Variants in LRRC4C observed in about 807,000 individuals in gnomAD.
LRRC4C encodes leucine rich repeat containing 4C, also known as leucine-rich repeat-containing protein 4C.
Under a neutral mutation model 33.6 loss-of-function variants are expected in LRRC4C, and 5 were observed. The ratio of observed to expected loss-of-function variants is 0.15; its 90% CI spans 0.08 to 0.31. LRRC4C has a LOEUF of 0.31. LRRC4C is among the 10% of genes least tolerant of loss of function. The pLI is 1.00. For synonymous variants in LRRC4C, 329 were observed against 302.0 expected (o/e 1.09, Z -0.93); for missense variants, 560 against 796.7 (o/e 0.70, Z 3.58).
rs10713512 is a variant in LRRC4C at position 40,698,067 on chromosome 11, CAAAAA to C, written c.-406-49794_-406-49790del. ...TGGGCAACAGAGTGAGACTCTGTCT[CAAAAA>C]AAAAAAAAAAAAAATTACATTTAAT... On this transcript the variant is annotated intron_variant, in intron 2 of 6. Transcript: ENST00000528697. 4.1e-3 allele frequency among the ~76,000 whole-genome samples: 436 copies of C among 105,308 alleles called. 3 individuals carry two copies. The highest frequency in any genetic ancestry group is 0.013 in the African/African-American group (420 of 32,250). The allele number at this position is 105,308 out of a possible 152,430, so 69.1% of individuals were successfully genotyped here.
chr11:40,527,599 C>T (rs1956105013), intron 3 of LRRC4C, among the ~76,000 whole-genome samples: 1 of 152,094 alleles, frequency 6.6e-6, no homozygotes, highest in African/African-American at 2.4e-5. Flanking sequence ...GTATCACACT[C>T]TTTAAATTAA....
intron 1 of LRRC4C, among the ~76,000 whole-genome samples, chr11:41,055,478 A>G (rs1858551454): frequency 6.6e-6 from 1 of 152,174 alleles, no homozygotes; most frequent in South Asian, 2.1e-4. Context: ...CAGAGAGTCT[A>G]CATCTTAACC....
chr11:40,755,482 A>C (rs1175895796), intron 2 of LRRC4C, among the ~76,000 whole-genome samples: 1 of 152,092 alleles, frequency 6.6e-6, no homozygotes, highest in Non-Finnish European at 1.5e-5. Context: ...GAAAAGTCAT[A>C]ATAAGCTCCA....
chr11:41,049,979 G>T (rs1858084821), intron 1 of LRRC4C, among the ~76,000 whole-genome samples: 1 of 152,158 alleles, frequency 6.6e-6, no homozygotes, highest in Admixed American at 6.5e-5. Flanking sequence ...AGCATAATTA[G>T]CTCATCATAT....
At chr11:41,259,891 A>C (rs935130882) in intron 1 of LRRC4C, among the ~76,000 whole-genome samples, 3 of 152,158 alleles carry the variant, frequency 2.0e-5, no homozygotes, top group Middle Eastern at 6.8e-3. Flanking sequence ...ATTATAAGCC[A>C]ATAGACCTTT....
intron 1 of LRRC4C, among the ~76,000 whole-genome samples, chr11:40,960,695 A>G (rs916351400): frequency 1.1e-4 from 16 of 151,886 alleles, no homozygotes; most frequent in African/African-American, 3.6e-4. Flanking sequence ...TACTGGGCTC[A>G]AGGTATATCT....
intron 5 of LRRC4C, among the ~76,000 whole-genome samples, chr11:40,154,611 G>T (rs1351350552): frequency 6.6e-6 from 1 of 152,122 alleles, no homozygotes; most frequent in Non-Finnish European, 1.5e-5. Flanking sequence ...GGCAAAGAGG[G>T]ACATTATGTA....
chr11:40,471,172 C>G (rs1952915537), intron 3 of LRRC4C, among the ~76,000 whole-genome samples: 1 of 152,196 alleles, frequency 6.6e-6, no homozygotes, highest in African/African-American at 2.4e-5. Context: ...GCCCATCAAA[C>G]TAACAGTGAA....
At chr11:41,436,642 T>TGAGAGG (rs1437745375) in intron 1 of LRRC4C, among the ~76,000 whole-genome samples, 7 of 152,314 alleles carry the variant, frequency 4.6e-5, no homozygotes, top group Non-Finnish European at 4.4e-5. Flanking sequence ...GGCATAATCA[T>TGAGAGG]CACAGAGAGC....
chr11:40,393,239 G>A (rs1008871005), intron 3 of LRRC4C, among the ~76,000 whole-genome samples: 1 of 152,032 alleles, frequency 6.6e-6, no homozygotes, highest in African/African-American at 2.4e-5. Context: ...ATAATATGAT[G>A]TTATGCCACC....
At chr11:40,439,157 G>A (rs1951278157) in intron 3 of LRRC4C, among the ~76,000 whole-genome samples, 1 of 150,702 alleles carries the variant, frequency 6.6e-6, no homozygotes, top group Non-Finnish European at 1.5e-5. Flanking sequence ...ACCCAGGATG[G>A]TCTTGATCTT....
intron 1 of LRRC4C, among the ~76,000 whole-genome samples, chr11:41,335,627 C>T (rs1234692382): frequency 6.6e-6 from 1 of 152,042 alleles, no homozygotes; most frequent in South Asian, 2.1e-4. Context: ...TACTAATTGC[C>T]TATCATATAT....
At chr11:40,355,385 C>T (rs1947611486) in intron 3 of LRRC4C, among the ~76,000 whole-genome samples, 1 of 152,090 alleles carries the variant, frequency 6.6e-6, no homozygotes, top group South Asian at 2.1e-4. Flanking sequence ...ACCACAGCAC[C>T]AGGACTTGCC....
chr11:41,113,007 T>C lies in LRRC4C; in HGVS notation c.-495-179284A>G, dbSNP rs576333408. On this transcript the variant is annotated intron_variant, in intron 1 of 6. Coordinates refer to ENST00000528697, the MANE Select transcript of LRRC4C (RefSeq NM_001258419.2). ...AACACAGAATTAAAAACTAAACAAG[T>C]ACATTTTCTGAAGTCTTTATTTGTG... 1.9e-3 allele frequency among the ~76,000 whole-genome samples: 282 copies of C among 152,222 alleles called. 1 individual carries two copies. The highest frequency in any genetic ancestry group is 6.2e-3 in the African/African-American group (257 of 41,560).
At chr11:40,326,824 T>A (rs527625638) in intron 3 of LRRC4C, among the ~76,000 whole-genome samples, 1 of 151,950 alleles carries the variant, frequency 6.6e-6, no homozygotes, top group Non-Finnish European at 1.5e-5. Context: ...TTGATCTGAG[T>A]TTTTTAAAGA....
chr11:40,636,008 A>G (rs1963929490), intron 3 of LRRC4C, among the ~76,000 whole-genome samples: 1 of 152,136 alleles, frequency 6.6e-6, no homozygotes, highest in African/African-American at 2.4e-5. Flanking sequence ...AACATAAGTA[A>G]AAAGAAGTTG....
At chr11:41,372,890 A>G (rs1952805343) in intron 1 of LRRC4C, among the ~76,000 whole-genome samples, 3 of 152,136 alleles carry the variant, frequency 2.0e-5, no homozygotes, top group Admixed American at 2.0e-4. Flanking sequence ...TGAAAAATTA[A>G]CTGTAATTTA....
chr11:40,662,645 C>T (rs1401389390), intron 2 of LRRC4C, among the ~76,000 whole-genome samples: 3 of 152,158 alleles, frequency 2.0e-5, no homozygotes, highest in Admixed American at 6.6e-5. Flanking sequence ...AGGGACATCT[C>T]TTCATTTTGT....
chr11:40,360,716 T>C (rs1947908950), intron 3 of LRRC4C, among the ~76,000 whole-genome samples: 1 of 151,942 alleles, frequency 6.6e-6, no homozygotes, highest in Non-Finnish European at 1.5e-5. Flanking sequence ...TCCAGAAAAT[T>C]GAAAAGGAGG....
Sources: allele counts gnomAD v4.1 joint callset (sites outside exome capture counted in the v4.1 genomes callset), GRCh38; gene constraint gnomAD v4.1.1; transcripts MANE v1.5; gene names NCBI Gene and HGNC (gene_info 2026-07-23, HGNC 2026-07-21).